TRPM2: variants seen among roughly 807,000 people sequenced by gnomAD.
The protein encoded by TRPM2 is estrogen-responsive element-associated gene 1 protein.
A neutral mutation model predicts 174.0 loss-of-function variants in TRPM2; 161 were observed. The ratio of observed to expected loss-of-function variants is 0.93; its 90% confidence interval spans 0.81 to 1.05. TRPM2 has a LOEUF of 1.05. TRPM2 is among the 50% of genes least tolerant of loss of function. TRPM2 has a pLI of 0.00. For missense variants in TRPM2, 2,057 were observed against 2,038.0 expected (o/e 1.01, Z -0.18); for synonymous variants, 954 against 861.3 (o/e 1.11, Z -1.88).
chr21:44,368,506 A>C (rs1168045918), intron 4 of TRPM2, among the ~76,000 whole-genome samples: 4 of 150,414 alleles, frequency 2.7e-5, no homozygotes, highest in African/African-American at 9.8e-5. Flanking sequence ...ATCTCAGCTC[A>C]CTGCAACCTC....
rs1256441456 is a variant in TRPM2 at position 44,391,480 on chromosome 21, C to T, written c.1649C>T (p.Ala550Val). The T allele has an allele frequency of 6.9e-6, 11 of 1,598,466 alleles. No individual in the cohort carries two copies. The highest frequency in any genetic ancestry group is 1.7e-4 in the Middle Eastern group (1 of 6,016). ...LVEDPERPAC[A>V]PAAPRLQMHH... Reference sequence around the variant, plus strand: ...GAGGATCCCGAGCGCCCGGCTTGCGCGCCCGCGGCGCCCCGCCTGCAGATG... The same window carrying T: ...GAGGATCCCGAGCGCCCGGCTTGCGTGCCCGCGGCGCCCCGCCTGCAGATG... Residue 550 changes from alanine (A) to valine (V), a missense_variant, in exon 11 of 32, where the codon GCG (alanine) becomes GTG (valine). Ala to Val is a moderately conservative substitution (Grantham distance 64). Transcript: ENST00000397928. This position sits in a 1 kb window ranked among gnomAD's most constrained non-coding sequence, Gnocchi z 5.0.
intron 28 of TRPM2, among the ~76,000 whole-genome samples, chr21:44,436,428 G>T (rs2051268431): frequency 6.6e-6 from 1 of 152,042 alleles, no homozygotes; most frequent in Non-Finnish European, 1.5e-5. Flanking sequence ...TGGGGTGCGA[G>T]TCACTCTCTG....
intron 17 of TRPM2, among the ~76,000 whole-genome samples, chr21:44,405,542 C>T (rs1215206286): frequency 2.0e-5 from 3 of 152,184 alleles, no homozygotes; most frequent in African/African-American, 7.2e-5. Flanking sequence ...GCTCCACGGA[C>T]ACGCGGCTGC....
rs770295496 is a variant in TRPM2 at position 44,375,920 on chromosome 21, G to A, written c.859G>A (p.Val287Met). 7.4e-6 allele frequency: 12 copies of A among 1,613,980 alleles called. No homozygotes were observed. Among genetic ancestry groups the A allele is most frequent in the African/African-American group, 2.7e-5 (2 of 74,930 alleles). ...CAGCAACCACTCTCACTTCATCCTC[G>A]TGGACGACGGGACCCACGGCCAGTA... ...LDSNHSHFIL[V>M]DDGTHGQYGV... The change falls in exon 6 of 32, where the codon GTG (valine) becomes ATG (methionine). Residue 287 changes from valine to methionine, a missense_variant. Coordinates refer to ENST00000397928, the MANE Select transcript of TRPM2 (RefSeq NM_003307.4).
At chr21:44,422,354 C>A (rs755774890) in intron 22 of TRPM2, 5 of 1,536,090 alleles carry the variant, frequency 3.3e-6, no homozygotes, top group Non-Finnish European at 4.4e-6. Flanking sequence ...TGGAATCACG[C>A]GGGTCCGAGA....
At chr21:44,407,476 TA>T (rs1044767227) in intron 19 of TRPM2, among the ~76,000 whole-genome samples, 11 of 93,250 alleles carry the variant, frequency 1.2e-4, no homozygotes, top group South Asian at 1.1e-3. Context: ...TTTTTTTTTT[TA>T]ACAGCTTCAT....
intron 16 of TRPM2, among the ~76,000 whole-genome samples, chr21:44,403,108 C>T (rs1369073867): frequency 6.6e-6 from 1 of 152,138 alleles, no homozygotes; most frequent in African/African-American, 2.4e-5. Flanking sequence ...GCTTCTGCCA[C>T]CAGACCCTCT....
intron 2 of TRPM2, among the ~76,000 whole-genome samples, chr21:44,362,428 C>T (rs377480689): frequency 1.5e-3 from 229 of 147,884 alleles, no homozygotes; most frequent in African/African-American, 5.6e-3. Flanking sequence ...GGGAGAGTGG[C>T]GTGAACCTGG....
chr21:44,380,138 G>A (rs919459603), intron 8 of TRPM2, among the ~76,000 whole-genome samples: 2 of 152,226 alleles, frequency 1.3e-5, no homozygotes, highest in East Asian at 1.9e-4. Context: ...TCTTGGCCCC[G>A]TTGGCCGATT....
intron 19 of TRPM2, among the ~76,000 whole-genome samples, chr21:44,409,011 A>G (rs574467876): frequency 6.6e-6 from 1 of 152,084 alleles, no homozygotes; most frequent in African/African-American, 2.4e-5. Context: ...TGTCTTTTAT[A>G]TTATTGAGTC....
At chr21:44,374,513 T>C (rs1223036928) in intron 5 of TRPM2, among the ~76,000 whole-genome samples, 1 of 152,122 alleles carries the variant, frequency 6.6e-6, no homozygotes, top group Non-Finnish European at 1.5e-5. Flanking sequence ...CTCACCATAA[T>C]GTAGGATCAG....
chr21:44,432,464 T>C lies in TRPM2; in HGVS notation c.3975-2667T>C, dbSNP rs1311914308. Among the ~76,000 whole-genome samples, 2 of 152,208 alleles carry C rather than the reference T, an allele frequency of 1.3e-5. No homozygotes were observed. Among genetic ancestry groups the C allele is most frequent in the African/African-American group, 4.8e-5 (2 of 41,440 alleles). On this transcript the variant is annotated intron_variant, in intron 27 of 31. Coordinates refer to ENST00000397928, the MANE Select transcript of TRPM2 (RefSeq NM_003307.4). The surrounding 1 kb of genome is among the most constrained non-coding windows in gnomAD (Gnocchi z 4.9). ...TAATTACACCTGCAGACACTATTTC[T>C]GAACAAGGCCAGATTCTGAGGTTCT...
At chr21:44,372,676 GT>G (rs1422363759) in intron 5 of TRPM2, among the ~76,000 whole-genome samples, 1 of 152,184 alleles carries the variant, frequency 6.6e-6, no homozygotes, top group African/African-American at 2.4e-5. Context: ...GGAAGAGCAG[GT>G]GTAGCATCAC....
At chr21:44,363,490 A>G (rs4818916) in intron 2 of TRPM2, among the ~76,000 whole-genome samples, 125,010 of 147,144 alleles carry the variant, frequency 0.85, 51,439 homozygotes, top group East Asian at 0.9. Flanking sequence ...TTTTTATTTC[A>G]GTTACTGCAT....
intron 25 of TRPM2, among the ~76,000 whole-genome samples, chr21:44,426,332 C>T (rs561641569): frequency 1.3e-5 from 2 of 152,324 alleles, no homozygotes; most frequent in African/African-American, 2.4e-5. Flanking sequence ...GCTGCCTCCC[C>T]TTGGTCTCTA....
chr21:44,384,522 A>G (rs1317264283), intron 9 of TRPM2, among the ~76,000 whole-genome samples: 9 of 152,220 alleles, frequency 5.9e-5, no homozygotes, highest in African/African-American at 9.6e-5. Flanking sequence ...CTTGCTTTTT[A>G]TAACAAGCCC....
chr21:44,380,457 A>C (rs1033333759), intron 8 of TRPM2, among the ~76,000 whole-genome samples: 2 of 152,098 alleles, frequency 1.3e-5, no homozygotes, highest in African/African-American at 4.8e-5. Flanking sequence ...TATTCAGGCA[A>C]TTCTCAGAAC....
In TRPM2 at chr21:44,418,474, A is replaced by G; in HGVS notation, c.3380A>G (p.Tyr1127Cys). 6.2e-7 allele frequency: 1 copy of G among 1,614,078 alleles called. No individual in the cohort carries two copies. Residue 1127 changes from tyrosine to cysteine, a missense_variant, in exon 22 of 32, where the codon TAC becomes TGC. Transcript: ENST00000397928. ...GCGGCCCTGCTATCCTGGGAGATCT[A>G]CCTGAAGGAGAACTACCTCCAGAAC... is the stretch of plus-strand genomic sequence containing the variant. ...EEAALLSWEI[Y>C]LKENYLQNRQ...
At chr21:44,433,356 T>C (rs932133420) in intron 27 of TRPM2, among the ~76,000 whole-genome samples, 1 of 152,240 alleles carries the variant, frequency 6.6e-6, no homozygotes, top group Non-Finnish European at 1.5e-5. Flanking sequence ...GAACAGCAGT[T>C]ACAGGGAGAC....
Sources: allele counts gnomAD v4.1 joint callset (sites outside exome capture counted in the v4.1 genomes callset), GRCh38; gene constraint gnomAD v4.1.1; non-coding constraint Gnocchi (gnomAD v3.1); transcripts MANE v1.5; gene names NCBI Gene and HGNC (gene_info 2026-07-23, HGNC 2026-07-21).